Variants in TUBGCP3 observed in about 807,000 individuals in gnomAD.
The protein encoded by TUBGCP3 is gamma-tubulin complex component 3.
TUBGCP3 carries 50 observed loss-of-function variants against 123.1 expected under a neutral mutation model. The ratio of observed to expected loss-of-function variants is 0.41; its 90% CI spans 0.32 to 0.51. The LOEUF (loss-of-function observed/expected upper bound fraction) is 0.51. Ranked by LOEUF, TUBGCP3 falls within the 20% of genes least tolerant of loss-of-function variation. The pLI is 0.36. For synonymous variants in TUBGCP3, 405 were observed against 413.9 expected, an observed-to-expected ratio of 0.98 and a Z score of 0.26; for missense variants, 882 against 1,127.0, an observed-to-expected ratio of 0.78 and a Z score of 3.11.
intron 14 of TUBGCP3, chr13:112,521,517 G>A (rs1250600466): frequency 4.3e-6 from 1 of 232,914 alleles, no homozygotes; most frequent in Non-Finnish European, 7.0e-6. Context: ...TCTCTGAAGT[G>A]GGCCCACAAG....
At chr13:112,565,738 T>C (rs1193619425) in intron 2 of TUBGCP3, among the ~76,000 whole-genome samples, 1 of 152,088 alleles carries the variant, frequency 6.6e-6, no homozygotes, top group Non-Finnish European at 1.5e-5. Flanking sequence ...ATCGAGACCA[T>C]CCTGGCTAAC....
chr13:112,491,585 T>C (rs1880105947), intron 20 of TUBGCP3, among the ~76,000 whole-genome samples: 1 of 152,250 alleles, frequency 6.6e-6, no homozygotes, highest in African/African-American at 2.4e-5. Flanking sequence ...TCCACTGTTT[T>C]CTTTATAAAC....
rs1882761172 is a variant in TUBGCP3 at position 112,588,069 on chromosome 13, C to G, written c.-89G>C. On this transcript the variant is annotated 5_prime_UTR_variant, in exon 1 of 22. Coordinates refer to ENST00000261965, the MANE Select transcript of TUBGCP3 (RefSeq NM_006322.6). ...CCGCGGCCCGCGCCCTTCCTGCGCC[C>G]CGCAAGCTCCCTGCTCCTGACAGGC... The G allele has an allele frequency of 1.8e-6, 2 of 1,128,570 alleles. No homozygotes were observed. Among genetic ancestry groups the G allele is most frequent in the Non-Finnish European group, 2.3e-6 (2 of 859,108 alleles). The allele number at this position is 1,128,570 out of a possible 1,614,324, so 69.9% of individuals were successfully genotyped here.
At chr13:112,568,682 C>T (rs540055433) in intron 2 of TUBGCP3, among the ~76,000 whole-genome samples, 2 of 152,252 alleles carry the variant, frequency 1.3e-5, no homozygotes, top group Non-Finnish European at 2.9e-5. Context: ...CTTTTCTAGG[C>T]CAACTGAAAA....
chr13:112,486,024 C>T lies in TUBGCP3; in HGVS notation c.2693G>A (p.Gly898Asp). Residue 898 changes from glycine to aspartate, a missense_variant, in exon 22 of 22, where the codon GGT becomes GAT. Physicochemically the swap from Gly to Asp is moderately conservative, Grantham distance 94. Coordinates refer to ENST00000261965, the MANE Select transcript of TUBGCP3 (RefSeq NM_006322.6). ...AREPRLRVSL[G>D]TRGRRSSHT The stretch of plus-strand genomic sequence containing the variant: ...GTGGGAGCTGCGCCGCCCCCTGGTA[C>T]CCAGAGACACACGGAGCCTGGGCTC... 1 of 1,607,742 alleles carries T rather than the reference C, an allele frequency of 6.2e-7. No individual in the cohort carries two copies. The highest frequency in any genetic ancestry group is 8.5e-7 in the Non-Finnish European group (1 of 1,174,572).
intron 20 of TUBGCP3, among the ~76,000 whole-genome samples, chr13:112,491,571 C>T (rs1395929174): frequency 3.3e-5 from 5 of 152,186 alleles, no homozygotes; most frequent in East Asian, 3.8e-4. Context: ...ATGCTTTGTT[C>T]GTGTCCACTG....
intron 17 of TUBGCP3, among the ~76,000 whole-genome samples, chr13:112,512,987 A>G (rs1881772636): frequency 6.6e-6 from 1 of 152,178 alleles, no homozygotes; most frequent in Admixed American, 6.5e-5. Flanking sequence ...CGATGAACGC[A>G]TCCTTGTTTT....
chr13:112,545,998 C>G lies in TUBGCP3; in HGVS notation c.1169-133G>C. On this transcript the variant is annotated intron_variant, in intron 10 of 21. Transcript: ENST00000261965. The surrounding 1 kb of genome is among the most constrained non-coding windows in gnomAD (Gnocchi z 4.1). ...ATTTGTTTTCTTACAGTTAATACCA[C>G]TTTGGACCTAGAAGCAGCAGTAACA... is the stretch of plus-strand genomic sequence containing the variant. 1.1e-6 allele frequency: 1 copy of G among 949,408 alleles called. No individual in the cohort carries two copies. The highest frequency in any genetic ancestry group is 2.6e-5 in the Admixed American group (1 of 39,004). 58.8% of individuals were successfully genotyped at this position (949,408 alleles called of 1,614,324 possible).
At chr13:112,494,341 C>G (rs915646094) in intron 20 of TUBGCP3, among the ~76,000 whole-genome samples, 3 of 152,216 alleles carry the variant, frequency 2.0e-5, no homozygotes, top group Admixed American at 2.0e-4. Flanking sequence ...GAACCAGCAG[C>G]GTAAGAGTCT....
rs181570525 is a variant in TUBGCP3, at chr13:112,508,131, G to A, written c.2087-3417C>T. Among the ~76,000 whole-genome samples, 235 of 152,126 alleles carry A rather than the reference G, an allele frequency of 1.5e-3. 3 individuals are homozygous for A. The highest frequency in any genetic ancestry group is 0.014 in the Admixed American group (215 of 15,286). The stretch of plus-strand genomic sequence containing the variant: ...CATCCCGCAGCCCTGGCCCCACCAG[G>A]TTTGCATTGCTTCGCTGTCATGGCT... On this transcript the variant is annotated intron_variant, in intron 17 of 21. Coordinates refer to ENST00000261965, the MANE Select transcript of TUBGCP3 (RefSeq NM_006322.6). The surrounding 1 kb of genome is among the most constrained non-coding windows in gnomAD (Gnocchi z 4.2).
At chr13:112,583,684 A>C (rs1882420405) in intron 1 of TUBGCP3, among the ~76,000 whole-genome samples, 3 of 152,234 alleles carry the variant, frequency 2.0e-5, no homozygotes, top group African/African-American at 7.2e-5. Flanking sequence ...AGATTCAAAA[A>C]ACAACTGCGG....
At chr13:112,513,583 G>A (rs759018000) in intron 17 of TUBGCP3, among the ~76,000 whole-genome samples, 1 of 152,240 alleles carries the variant, frequency 6.6e-6, no homozygotes, top group Admixed American at 6.5e-5. Flanking sequence ...CGTGGCAGCT[G>A]TTGATGGGAG....
At chr13:112,512,507 G>A (rs1881740600) in intron 17 of TUBGCP3, among the ~76,000 whole-genome samples, 2 of 151,770 alleles carry the variant, frequency 1.3e-5, no homozygotes, top group African/African-American at 4.8e-5. Context: ...GCCAAGGTGG[G>A]CAGATCACCT....
At chr13:112,539,573 A>T (rs1878332129) in intron 11 of TUBGCP3, among the ~76,000 whole-genome samples, 1 of 152,268 alleles carries the variant, frequency 6.6e-6, no homozygotes, top group Admixed American at 6.5e-5. Context: ...GTAAAGAGCT[A>T]TTTGGACAAA....
chr13:112,545,583 G>C lies in TUBGCP3; in HGVS notation c.1335+116C>G. 1 of 1,168,350 alleles carries C rather than the reference G, an allele frequency of 8.6e-7. No homozygotes were observed. Among genetic ancestry groups the C allele is most frequent in the Non-Finnish European group, 1.2e-6 (1 of 801,552 alleles). The allele number at this position is 1,168,350 out of a possible 1,614,324, so 72.4% of individuals were successfully genotyped here. ...AAAATGTATATGGTATTCAATGGAA[G>C]TGCAGTTGCATTCCTGTTAGGAGAA... On this transcript the variant is annotated intron_variant, in intron 11 of 21. Transcript: ENST00000261965. This position sits in a 1 kb window ranked among gnomAD's most constrained non-coding sequence, Gnocchi z 4.1.
At chr13:112,527,222 TG>T in intron 12 of TUBGCP3, 151 bp downstream of exon 12, 1 of 701,216 alleles carries the variant, frequency 1.4e-6, no homozygotes, top group Non-Finnish European at 2.4e-6. Flanking sequence ...CATACTATAC[TG>T]ATGTATTCAA....
At chr13:112,571,218 T>C (rs535674264) in intron 1 of TUBGCP3, among the ~76,000 whole-genome samples, 47 of 152,322 alleles carry the variant, frequency 3.1e-4, no homozygotes, top group Middle Eastern at 3.4e-3. Context: ...TTTGCCCAGA[T>C]CCATCAGAGG....
Position 112,545,327 on chromosome 13 carries a change from G to C in TUBGCP3, c.1335+372C>G, listed in dbSNP as rs112294007. The C allele has an allele frequency of 9.1e-6, 2 of 218,980 alleles. No individual in the cohort carries two copies. The allele number at this position is 218,980 out of a possible 1,614,324, so 13.6% of individuals were successfully genotyped here. On this transcript the variant is annotated intron_variant, in intron 11 of 21. Transcript: ENST00000261965. The surrounding 1 kb of genome is among the most constrained non-coding windows in gnomAD (Gnocchi z 4.1). ...CACAACTAACTTGTTTCATTAAGCTGTTAGCACCAAAGTGAGTTTGCAAAG... is the reference window on the plus strand; with the variant it reads ...CACAACTAACTTGTTTCATTAAGCTCTTAGCACCAAAGTGAGTTTGCAAAG...
chr13:112,536,830 G>T (rs1202736948), intron 11 of TUBGCP3, among the ~76,000 whole-genome samples: 1 of 152,056 alleles, frequency 6.6e-6, no homozygotes, highest in Non-Finnish European at 1.5e-5. Context: ...AGAGTGCAGT[G>T]GTACAATCAT....
Sources: gnomAD v4.1 joint callset for allele counts (sites outside exome capture counted in the v4.1 genomes callset) on GRCh38, gnomAD v4.1.1 for gene constraint, Gnocchi (gnomAD v3.1) non-coding constraint, MANE v1.5 for transcripts, NCBI Gene and HGNC (gene_info 2026-07-23, HGNC 2026-07-21) for gene names.